The following RBM20 variants were observed in gnomAD, a reference collection of about 807,000 sequenced individuals.
RBM20 encodes the protein RNA-binding protein 20.
A neutral mutation model predicts 110.1 loss-of-function variants in RBM20; 51 were observed. The observed-to-expected ratio is 0.46, with a 90% CI of 0.37 to 0.59. The LOEUF is 0.59. Ranked by LOEUF, RBM20 falls within the 20% of genes least tolerant of loss-of-function variation. The pLI, the probability that RBM20 is intolerant of heterozygous loss-of-function variation, is 0.00. For synonymous variants in RBM20, 589 were observed against 618.2 expected (o/e 0.95, Z 0.70); for missense variants, 1,512 against 1,574.9 (o/e 0.96, Z 0.68).
intron 1 of RBM20, among the ~76,000 whole-genome samples, chr10:110,660,249 T>TA (rs962770272): frequency 9.0e-4 from 134 of 149,026 alleles, no homozygotes; most frequent in African/African-American, 3.2e-3. Flanking sequence ...TGTGGCAGCT[T>TA]AAAAAAAAAA....
At chr10:110,750,184 G>T (rs1479928840) in intron 1 of RBM20, among the ~76,000 whole-genome samples, 1 of 152,136 alleles carries the variant, frequency 6.6e-6, no homozygotes, top group East Asian at 1.9e-4. Context: ...GGACACAAGG[G>T]CTTGTTACAC....
chr10:110,744,815 G>A (rs930316722), intron 1 of RBM20, among the ~76,000 whole-genome samples: 1 of 152,142 alleles, frequency 6.6e-6, no homozygotes, highest in Non-Finnish European at 1.5e-5. Context: ...GTTATATTTC[G>A]AACAAAGGCA....
chr10:110,698,400 G>A lies in RBM20; in HGVS notation c.191+53755G>A, dbSNP rs963139166. On this transcript the variant is annotated intron_variant, in intron 1 of 13. Coordinates refer to ENST00000369519, the MANE Select transcript of RBM20 (RefSeq NM_001134363.3). Reference sequence around the variant, plus strand: ...TGGCGGCCCCTGGGGAGGCCAGAAGGAGAGCACCAGGAGTTGCCCTCGCTG... The same window carrying A: ...TGGCGGCCCCTGGGGAGGCCAGAAGAAGAGCACCAGGAGTTGCCCTCGCTG... Among the ~76,000 whole-genome samples the A allele has an allele frequency of 3.3e-5, 5 of 152,310 alleles. No individual in the cohort carries two copies. In the East Asian group the frequency reaches 9.7e-4, roughly 29 times the overall value.
At chr10:110,737,785 A>T (rs1311670159) in intron 1 of RBM20, among the ~76,000 whole-genome samples, 1 of 152,240 alleles carries the variant, frequency 6.6e-6, no homozygotes, top group African/African-American at 2.4e-5. Context: ...ACAGGAATAC[A>T]CCACTATTTA....
At chr10:110,730,107 C>T (rs375559894) in intron 1 of RBM20, among the ~76,000 whole-genome samples, 2 of 152,184 alleles carry the variant, frequency 1.3e-5, no homozygotes, top group East Asian at 3.8e-4. Flanking sequence ...TGTGAGCCAC[C>T]GTGCTTGGCC....
chr10:110,746,500 A>G (rs983510053), intron 1 of RBM20, among the ~76,000 whole-genome samples: 2 of 152,212 alleles, frequency 1.3e-5, no homozygotes, highest in African/African-American at 4.8e-5. Flanking sequence ...AGACCCACAA[A>G]TGGAGAGCTG....
chr10:110,797,589 A>G lies in RBM20; in HGVS notation c.1609A>G (p.Asn537Asp). ...EGSCTENDVI[N>D]LGLPFGKVTN... Reference sequence around the variant, plus strand: ...AAGCTGCACTGAGAATGACGTCATTAACCTGGGGCTGCCCTTTGGAAAGGT... The same window carrying G: ...AAGCTGCACTGAGAATGACGTCATTGACCTGGGGCTGCCCTTTGGAAAGGT... Residue 537 changes from asparagine (N) to aspartate (D), a missense_variant, in exon 6 of 14, where the codon AAC (asparagine) becomes GAC (aspartate). Coordinates refer to ENST00000369519, the MANE Select transcript of RBM20 (RefSeq NM_001134363.3). 1 of 1,551,782 alleles carries G rather than the reference A, an allele frequency of 6.4e-7. No individual in the cohort carries two copies. The highest frequency in any genetic ancestry group is 2.4e-5 in the East Asian group (1 of 40,920).
At chr10:110,713,214 G>A (rs1342266925) in intron 1 of RBM20, among the ~76,000 whole-genome samples, 1 of 152,206 alleles carries the variant, frequency 6.6e-6, no homozygotes, top group African/African-American at 2.4e-5. Flanking sequence ...AAGAAACCTG[G>A]CCAAAGAGCC....
At chr10:110,709,540 T>C (rs1395527354) in intron 1 of RBM20, among the ~76,000 whole-genome samples, 3 of 151,556 alleles carry the variant, frequency 2.0e-5, no homozygotes, top group Admixed American at 2.0e-4. Context: ...TTAAACATGA[T>C]TTTAAAGATC....
chr10:110,821,287 G>A lies in RBM20; in HGVS notation c.2668G>A (p.Glu890Lys). 1 of 1,551,204 alleles carries A rather than the reference G, an allele frequency of 6.4e-7. No homozygotes were observed. The highest frequency in any genetic ancestry group is 2.4e-5 in the East Asian group (1 of 40,924). ...CATTTTTGTACAGGAACAAGATTGGGAGAGTGAAAGTGAGGCAGAGGGGGA... is the reference window on the plus strand; with the variant it reads ...CATTTTTGTACAGGAACAAGATTGGAAGAGTGAAAGTGAGGCAGAGGGGGA... Reference protein sequence around the residue: ...NTRTKKEQDWESESEAEGESW... With the variant: ...NTRTKKEQDWKSESEAEGESW... The change falls in exon 11 of 14, where the codon GAG becomes AAG. Residue 890 changes from glutamate (E) to lysine (K), a missense_variant. Physicochemically the swap from Glu to Lys is moderately conservative, Grantham distance 56. Coordinates refer to ENST00000369519, the MANE Select transcript of RBM20 (RefSeq NM_001134363.3).
intron 1 of RBM20, among the ~76,000 whole-genome samples, chr10:110,761,748 G>A (rs939708392): frequency 6.6e-6 from 1 of 152,242 alleles, no homozygotes; most frequent in Non-Finnish European, 1.5e-5. Flanking sequence ...ACCCGCTGCA[G>A]GACATGTCCC....
intron 12 of RBM20, among the ~76,000 whole-genome samples, chr10:110,826,661 C>A (rs569172703): frequency 4.9e-4 from 75 of 151,762 alleles, no homozygotes; most frequent in African/African-American, 1.7e-3. Context: ...TGGCTCACTG[C>A]AACCTCCACC....
chr10:110,663,614 G>T (rs1488667365), intron 1 of RBM20, among the ~76,000 whole-genome samples: 1 of 152,162 alleles, frequency 6.6e-6, no homozygotes, highest in Admixed American at 6.5e-5. Flanking sequence ...GACTTTGGAA[G>T]CTTATAGATG....
At chr10:110,793,906 C>A (rs914420517) in intron 5 of RBM20, among the ~76,000 whole-genome samples, 1 of 152,156 alleles carries the variant, frequency 6.6e-6, no homozygotes. Context: ...AATGTTTAGC[C>A]CCCTGCTTCC....
In RBM20 at chr10:110,821,763, C is replaced by T. The variant is rs75858380; in HGVS notation, c.3144C>T (p.Ser1048=). 2.9e-3 allele frequency: 4,449 copies of T among 1,551,772 alleles called. 128 individuals carry two copies. The African/African-American group carries it at 0.054, about 19-fold the overall frequency. The change falls in exon 11 of 14, where the codon TCC becomes TCT. Residue 1048 remains serine (S), a synonymous_variant. Coordinates refer to ENST00000369519, the MANE Select transcript of RBM20 (RefSeq NM_001134363.3). The stretch of plus-strand genomic sequence containing the variant: ...CCCCTACAGTCCAGCAAATGTCTTC[C>T]CCTAAGCCAGCAGAGGAGAGGGCCC... ...HPAPTVQQMS[S]PKPAEERARQ...
At chr10:110,798,311 A>C (rs1844577347) in intron 6 of RBM20, among the ~76,000 whole-genome samples, 1 of 152,242 alleles carries the variant, frequency 6.6e-6, no homozygotes, top group African/African-American at 2.4e-5. Flanking sequence ...TACTTTATGA[A>C]TCGGAGGAAC....
intron 1 of RBM20, among the ~76,000 whole-genome samples, chr10:110,760,058 A>C (rs183072733): frequency 6.6e-6 from 1 of 152,148 alleles, no homozygotes; most frequent in South Asian, 2.1e-4. Flanking sequence ...CCAAGAAGCT[A>C]TCTTGATGTT....
chr10:110,781,058 C>T lies in RBM20; in HGVS notation c.449C>T (p.Ala150Val). The T allele has an allele frequency of 1.9e-6, 3 of 1,551,904 alleles. No homozygotes were observed. The highest frequency in any genetic ancestry group is 2.6e-6 in the Non-Finnish European group (3 of 1,147,024). ...GTGATCACTGGCCCCCACGGCCATG[C>T]TGGGGTTCCCCAACATGCTGCAGCC... ...PSVITGPHGH[A>V]GVPQHAAAIP... Residue 150 changes from alanine to valine, a missense_variant, in exon 2 of 14, where the codon GCT becomes GTT. Coordinates refer to ENST00000369519, the MANE Select transcript of RBM20 (RefSeq NM_001134363.3).
At position 110,781,559 on chromosome 10, in the gene RBM20, G is replaced by A. The variant is rs1844348749; in HGVS notation, c.950G>A (p.Ser317Asn). 1 of 1,551,728 alleles carries A rather than the reference G, an allele frequency of 6.4e-7. No homozygotes were observed. Among genetic ancestry groups the A allele is most frequent in the Non-Finnish European group, 8.7e-7 (1 of 1,147,010 alleles). The change falls in exon 2 of 14, where the codon AGC becomes AAC. Residue 317 changes from serine (S) to asparagine (N), a missense_variant. Coordinates refer to ENST00000369519, the MANE Select transcript of RBM20 (RefSeq NM_001134363.3). ...GGGCCACTGCTGCAGGGCACAAACAGCCAATGGGAGAGCCCCCATGGATTC... is the reference window on the plus strand; with the variant it reads ...GGGCCACTGCTGCAGGGCACAAACAACCAATGGGAGAGCCCCCATGGATTC... ...EVGPLLQGTN[S>N]QWESPHGFSG...
Sources: gnomAD v4.1 joint callset for allele counts (sites outside exome capture counted in the v4.1 genomes callset) on GRCh38, gnomAD v4.1.1 for gene constraint, MANE v1.5 for transcripts, NCBI Gene and HGNC (gene_info 2026-07-23, HGNC 2026-07-21) for gene names.